The following DAB1 variants were observed in gnomAD, a reference collection of about 807,000 sequenced individuals.
DAB1 encodes the protein disabled homolog 1.
DAB1 carries 15 observed loss-of-function variants against 64.6 expected under a neutral mutation model. The ratio of observed to expected loss-of-function variants is 0.23; its 90% CI spans 0.16 to 0.36. The LOEUF (loss-of-function observed/expected upper bound fraction) is 0.36. Ranked by LOEUF, DAB1 falls within the 10% of genes least tolerant of loss-of-function variation. DAB1 has a pLI of 1.00. For missense variants in DAB1, 596 were observed against 706.7 expected (o/e 0.84, Z 1.78); for synonymous variants, 235 against 251.9 (o/e 0.93, Z 0.64).
intron 1 of DAB1, among the ~76,000 whole-genome samples, chr1:57,422,308 C>T (rs1299755544): frequency 6.6e-6 from 1 of 152,208 alleles, no homozygotes; most frequent in Admixed American, 6.5e-5. Context: ...CGCGGATTCT[C>T]GCCCCGGTCC....
chr1:57,636,109 A>AAAAC (rs1553202399), intron 7 of DAB1, among the ~76,000 whole-genome samples: 18 of 148,538 alleles, frequency 1.2e-4, no homozygotes, highest in African/African-American at 4.1e-4. Flanking sequence ...AAAAAAAAAA[A>AAAAC]AAAACAAAAA....
chr1:58,324,365 T>G (rs1306530887), intron 4 of DAB1, among the ~76,000 whole-genome samples: 3 of 152,200 alleles, frequency 2.0e-5, no homozygotes, highest in Non-Finnish European at 2.9e-5. Flanking sequence ...TATGAATATC[T>G]TCGGGTCTCA....
chr1:57,982,334 A>C (rs1249235903), intron 5 of DAB1, among the ~76,000 whole-genome samples: 7 of 152,236 alleles, frequency 4.6e-5, no homozygotes, highest in Non-Finnish European at 1.0e-4. Context: ...GTGATTCACT[A>C]AATGACAAGC....
At chr1:57,413,557 C>T (rs1255087356) in intron 1 of DAB1, among the ~76,000 whole-genome samples, 2 of 151,714 alleles carry the variant, frequency 1.3e-5, no homozygotes, top group African/African-American at 2.4e-5. Flanking sequence ...ATGGCTAACA[C>T]AGTGAAACCC....
At chr1:57,253,780 T>A in intron 2 of DAB1, among the ~76,000 whole-genome samples, 1 of 152,232 alleles carries the variant, frequency 6.6e-6, no homozygotes, top group Non-Finnish European at 1.5e-5. Flanking sequence ...TTTTAGTCTC[T>A]GTGATGAAAA....
chr1:57,004,784 G>C (rs1646003826), intron 14 of DAB1, among the ~76,000 whole-genome samples: 1 of 152,184 alleles, frequency 6.6e-6, no homozygotes, highest in East Asian at 1.9e-4. Flanking sequence ...AAATGCATGG[G>C]TTTGGGGAGC....
chr1:58,535,647 C>A (rs1191367261), intron 1 of DAB1, among the ~76,000 whole-genome samples: 1 of 149,776 alleles, frequency 6.7e-6, no homozygotes, highest in East Asian at 2.0e-4. Context: ...TCAAGTGAGG[C>A]TACTGGACAT....
chr1:57,643,709 T>C (rs114273048), intron 7 of DAB1, among the ~76,000 whole-genome samples: 1,649 of 152,308 alleles, frequency 0.011, 27 homozygotes, highest in African/African-American at 0.038. Context: ...TATTTATTTG[T>C]ATTAAAAAAT....
rs372995664 is a variant in DAB1, at chr1:57,308,481, C to G, written c.-136-17315G>C. 3.3e-5 allele frequency among the ~76,000 whole-genome samples: 5 copies of G among 151,956 alleles called. No homozygotes were observed. In the East Asian group the frequency reaches 5.8e-4, roughly 18 times the overall value. On this transcript the variant is annotated intron_variant, in intron 1 of 14. Coordinates refer to ENST00000371236, the MANE Select transcript of DAB1 (RefSeq NM_001365792.1). ...AAGCTGTGAACACTTTCCCAAAGCT[C>G]AAGTCAAGAACTTAACATGTAAAGT...
chr1:57,060,170 A>ATTTTATTT, intron 9 of DAB1, among the ~76,000 whole-genome samples: 1 of 150,450 alleles, frequency 6.6e-6, no homozygotes. Flanking sequence ...ATTTTATTTG[A>ATTTTATTT]GACGGAGTTT....
chr1:57,435,457 C>G (rs1685661797), intron 7 of DAB1, among the ~76,000 whole-genome samples: 1 of 152,182 alleles, frequency 6.6e-6, no homozygotes, highest in Non-Finnish European at 1.5e-5. Context: ...TAACACTTAG[C>G]TTAAAACATA....
chr1:58,087,829 C>A (rs1050677012), intron 5 of DAB1, among the ~76,000 whole-genome samples: 3 of 152,196 alleles, frequency 2.0e-5, no homozygotes, highest in African/African-American at 7.2e-5. Flanking sequence ...TACTCAAGCT[C>A]TTTGATGTTT....
At chr1:57,170,473 C>A (rs1325254597) in intron 2 of DAB1, among the ~76,000 whole-genome samples, 1 of 152,150 alleles carries the variant, frequency 6.6e-6, no homozygotes, top group Admixed American at 6.5e-5. Context: ...GGTAGGCACA[C>A]AAGGGCAAGG....
intron 5 of DAB1, among the ~76,000 whole-genome samples, chr1:57,931,355 T>C (rs1644950279): frequency 6.6e-6 from 1 of 152,180 alleles, no homozygotes; most frequent in Non-Finnish European, 1.5e-5. Context: ...GGTGTTGGGG[T>C]AATGGTGACT....
At chr1:58,295,807 T>C (rs1661958730) in intron 4 of DAB1, among the ~76,000 whole-genome samples, 1 of 151,992 alleles carries the variant, frequency 6.6e-6, no homozygotes, top group Non-Finnish European at 1.5e-5. Flanking sequence ...GGGGAGACAG[T>C]TGGCTGGGCG....
At chr1:58,386,825 C>G (rs752814993) in intron 3 of DAB1, among the ~76,000 whole-genome samples, 3 of 152,084 alleles carry the variant, frequency 2.0e-5, no homozygotes, top group Non-Finnish European at 4.4e-5. Context: ...TTTGGGAGGC[C>G]GAGGCAGGTG....
chr1:58,516,117 A>G (rs1557449145), intron 2 of DAB1, among the ~76,000 whole-genome samples: 1 of 152,144 alleles, frequency 6.6e-6, no homozygotes, highest in Non-Finnish European at 1.5e-5. Context: ...CCACTATAGG[A>G]TATTTATTAT....
chr1:58,185,326 A>T, intron 4 of DAB1, among the ~76,000 whole-genome samples: 1 of 152,140 alleles, frequency 6.6e-6, no homozygotes, highest in East Asian at 1.9e-4. Context: ...GTGCTGAGGA[A>T]ACATACACAA....
chr1:58,075,090 C>T (rs1037022010), intron 5 of DAB1, among the ~76,000 whole-genome samples: 3 of 152,102 alleles, frequency 2.0e-5, no homozygotes, highest in Admixed American at 2.0e-4. Flanking sequence ...TAGTTTGTTC[C>T]TTCTCTGGAT....
Sources: gnomAD v4.1 joint callset for allele counts (sites outside exome capture counted in the v4.1 genomes callset) on GRCh38, gnomAD v4.1.1 for gene constraint, MANE v1.5 for transcripts, NCBI Gene and HGNC (gene_info 2026-07-23, HGNC 2026-07-21) for gene names.